The following CDKL1 variants were observed in gnomAD, a reference collection of about 807,000 sequenced individuals.
CDKL1 encodes the protein cyclin dependent kinase like 1.
A neutral mutation model predicts 42.0 loss-of-function variants in CDKL1; 41 were observed. The ratio of observed to expected loss-of-function variants is 0.98; its 90% CI spans 0.76 to 1.27. The LOEUF (loss-of-function observed/expected upper bound fraction) is 1.27, where lower values mean the gene tolerates loss of function less well. CDKL1 is among the 50% of genes most tolerant of loss of function. CDKL1 has a pLI of 0.00. For missense variants in CDKL1, 394 were observed against 428.4 expected (o/e 0.92, Z 0.71); for synonymous variants, 153 against 158.6 (o/e 0.96, Z 0.26).
At chr14:50,340,396 C>G (rs1162937874) in intron 6 of CDKL1, among the ~76,000 whole-genome samples, 1 of 152,196 alleles carries the variant, frequency 6.6e-6, no homozygotes, top group Non-Finnish European at 1.5e-5. Context: ...AACTGCGATA[C>G]TCAGGCGAGT....
At chr14:50,385,531 C>T (rs957527771) in intron 2 of CDKL1, among the ~76,000 whole-genome samples, 34 of 152,068 alleles carry the variant, frequency 2.2e-4, no homozygotes, top group South Asian at 1.5e-3. Flanking sequence ...ATGGGCCAGG[C>T]GTGGTGGCTC....
intron 7 of CDKL1, chr14:50,336,025 C>T (rs749304589): frequency 3.9e-5 from 53 of 1,366,358 alleles, no homozygotes; most frequent in Non-Finnish European, 5.0e-5. Context: ...TTCTCTTGTT[C>T]TTTCTGTCGG....
Position 50,368,454 on chromosome 14 carries a change from G to A in CDKL1, c.169-9305C>T, listed in dbSNP as rs548685147. ...TATTTTTAAAATTTTTTTAGAGACA[G>A]TGTCTCACTATGTTGCCCAGGCTGA... is the stretch of plus-strand genomic sequence containing the variant. On this transcript the variant is annotated intron_variant, in intron 2 of 9. Coordinates refer to ENST00000395834, the MANE Select transcript of CDKL1 (RefSeq NM_004196.7). 7.9e-5 allele frequency among the ~76,000 whole-genome samples: 12 copies of A among 151,900 alleles called. No individual in the cohort carries two copies. The South Asian group carries it at 8.3e-4, about 11-fold the overall frequency.
At chr14:50,381,027 T>C (rs531559195) in intron 2 of CDKL1, among the ~76,000 whole-genome samples, 8 of 152,294 alleles carry the variant, frequency 5.3e-5, no homozygotes, top group Admixed American at 5.2e-4. Context: ...AAAAAGGGCA[T>C]TGCTCCTGGT....
intron 8 of CDKL1, chr14:50,332,799 A>G: frequency 2.7e-6 from 2 of 728,826 alleles, no homozygotes; most frequent in South Asian, 1.8e-5. Flanking sequence ...TAGTGTTTTT[A>G]TTTTAAAAAT....
intron 2 of CDKL1, chr14:50,363,464 A>T (rs1352253562): frequency 1.3e-5 from 2 of 152,552 alleles, no homozygotes; most frequent in African/African-American, 4.8e-5. Flanking sequence ...AACCAGGTTA[A>T]AAGGGGCTAA....
chr14:50,362,259 A>C (rs1310149555), intron 2 of CDKL1: 1 of 371,936 alleles, frequency 2.7e-6, no homozygotes, highest in South Asian at 1.9e-5. Flanking sequence ...CCCATCGACC[A>C]CCCAAGGACT....
intron 4 of CDKL1, chr14:50,342,758 ACAGT>A (rs1399806415): frequency 6.2e-6 from 4 of 648,308 alleles, no homozygotes; most frequent in African/African-American, 4.0e-5. Context: ...TGAACAGAAC[ACAGT>A]CAGCCTCGTA....
intron 2 of CDKL1, among the ~76,000 whole-genome samples, chr14:50,380,773 T>G (rs377497584): frequency 6.7e-6 from 1 of 148,538 alleles, no homozygotes; most frequent in South Asian, 2.1e-4. Context: ...ATTCTAGGAG[T>G]CCAATGGCCT....
chr14:50,353,291 T>A (rs1213290054), intron 3 of CDKL1, among the ~76,000 whole-genome samples: 4 of 152,188 alleles, frequency 2.6e-5, no homozygotes, highest in African/African-American at 9.7e-5. Flanking sequence ...AAACCGATTT[T>A]TAAAAATTCT....
intron 2 of CDKL1, among the ~76,000 whole-genome samples, chr14:50,371,872 C>A (rs915631172): frequency 6.6e-5 from 10 of 152,238 alleles, no homozygotes; most frequent in Non-Finnish European, 1.5e-5. Flanking sequence ...CTCCTGGTGC[C>A]CACTCCGATT....
intron 7 of CDKL1, chr14:50,335,444 T>A: frequency 6.5e-7 from 1 of 1,531,136 alleles, no homozygotes; most frequent in South Asian, 1.2e-5. Context: ...TAGGGCCTGC[T>A]GCTTCCCTTC....
At chr14:50,340,795 G>T (rs766708749) in intron 6 of CDKL1, among the ~76,000 whole-genome samples, 3 of 152,202 alleles carry the variant, frequency 2.0e-5, no homozygotes, top group Non-Finnish European at 2.9e-5. Context: ...GATCCAAACT[G>T]CTCAAGAATC....
intron 2 of CDKL1, chr14:50,390,489 T>C (rs1370235425): frequency 1.4e-6 from 1 of 700,918 alleles, no homozygotes; most frequent in South Asian, 1.9e-5. Context: ...TTACTTTGTA[T>C]TTGTATGGTT....
At chr14:50,394,799 C>T (rs945262423) in intron 2 of CDKL1, among the ~76,000 whole-genome samples, 7 of 152,144 alleles carry the variant, frequency 4.6e-5, no homozygotes, top group African/African-American at 1.4e-4. Context: ...TACCTTTCCC[C>T]CCTCTGATAT....
Position 50,345,135 on chromosome 14 carries a change from G to A in CDKL1, c.291-77C>T, listed in dbSNP as rs11570826. The stretch of plus-strand genomic sequence containing the variant: ...CAGCTCAAGAAAAGAAAAAATAAAC[G>A]AAGATAGGCTTTAGTAGTGAAAAAT... On this transcript the variant is annotated intron_variant, in intron 3 of 9. Coordinates refer to ENST00000395834, the MANE Select transcript of CDKL1 (RefSeq NM_004196.7). 2.0e-4 allele frequency: 264 copies of A among 1,334,276 alleles called. 1 individual carries two copies. The African/African-American group carries it at 2.9e-3, about 15-fold the overall frequency. The allele number at this position is 1,334,276 out of a possible 1,614,324, so 82.7% of individuals were successfully genotyped here.
chr14:50,335,468 TAAAC>T (rs1303984214), intron 7 of CDKL1: 1 of 1,536,070 alleles, frequency 6.5e-7, no homozygotes, highest in South Asian at 1.2e-5. Flanking sequence ...GCCTGCTGTT[TAAAC>T]AGTCTCCTGT....
intron 7 of CDKL1, chr14:50,335,325 G>T: frequency 2.5e-6 from 1 of 399,494 alleles, no homozygotes. Context: ...AAAAAAGGCA[G>T]CTCTAATTCT....
chr14:50,338,466 G>T (rs2033389538), intron 7 of CDKL1, among the ~76,000 whole-genome samples: 1 of 152,136 alleles, frequency 6.6e-6, no homozygotes, highest in Non-Finnish European at 1.5e-5. Context: ...GACCTCAGGT[G>T]AGGTCTCCTG....
Sources: allele counts gnomAD v4.1 joint callset (sites outside exome capture counted in the v4.1 genomes callset), GRCh38; gene constraint gnomAD v4.1.1; transcripts MANE v1.5; gene names NCBI Gene and HGNC (gene_info 2026-07-23, HGNC 2026-07-21).